MYO15A: variants seen among roughly 807,000 people sequenced by gnomAD.
MYO15A encodes myosin XVA.
A neutral mutation model predicts 394.6 loss-of-function variants in MYO15A; 308 were observed. The ratio of observed to expected loss-of-function variants is 0.78; its 90% confidence interval spans 0.71 to 0.86. The LOEUF (loss-of-function observed/expected upper bound fraction) is 0.86, where lower values mean the gene tolerates loss of function less well. Among genes scored for constraint, MYO15A ranks in the 40% least tolerant of loss-of-function variants. The probability of loss-of-function intolerance (pLI) is 0.00; values close to 1 mark genes in which losing one functional copy is unlikely to be tolerated. For synonymous variants in MYO15A, 1,957 were observed against 2,003.8 expected (o/e 0.98, Z 0.62); for missense variants, 4,606 against 4,799.1 (o/e 0.96, Z 1.19).
chr17:18,177,428 C>T (rs1013417566), intron 65 of MYO15A: 2 of 152,258 alleles, frequency 1.3e-5, no homozygotes, highest in Non-Finnish European at 2.9e-5. Flanking sequence ...CTGATTCTCA[C>T]TGAGCCTCAG....
At chr17:18,138,749 C>A (rs913321358) in intron 17 of MYO15A, 62 bp from the exon 18 acceptor site, 2 of 1,599,964 alleles carry the variant, frequency 1.3e-6, no homozygotes, top group Non-Finnish European at 1.7e-6. Context: ...GAGGTTGCCA[C>A]CAGGCCAGGA....
Position 18,120,511 on chromosome 17 carries a change from T to A in MYO15A, c.1711T>A (p.Ser571Thr). The A allele has an allele frequency of 6.3e-7, 1 of 1,580,664 alleles. No homozygotes were observed. Among genetic ancestry groups the A allele is most frequent in the African/African-American group, 1.3e-5 (1 of 74,324 alleles). ...CCGCCCCGTGCCTCGCCCTGCCACC[T>A]CGCTTGCGCGGTTCCTCAAGAAGAC... ...FGRPVPRPATSLARFLKKTLS... is the reference protein window; with the variant it reads ...FGRPVPRPATTLARFLKKTLS... The change falls in exon 2 of 66, where the codon TCG becomes ACG. Residue 571 changes from serine to threonine, a missense_variant. Transcript: ENST00000647165.
rs1402346904 is a variant in MYO15A at position 18,121,273 on chromosome 17, G to C, written c.2473G>C (p.Ala825Pro). ...GCCCCGCTCGCTGCAGGAGTCCCCA[G>C]CCCCACGCCGAGCCGCTGGGCGCCT... ...RRPRSLQESPAPRRAAGRLGP... is the reference protein window; with the variant it reads ...RRPRSLQESPPPRRAAGRLGP... The change falls in exon 2 of 66, where the codon GCC (alanine) becomes CCC (proline). Residue 825 changes from alanine (A) to proline (P), a missense_variant. Ala to Pro is a conservative substitution (Grantham distance 27). Transcript: ENST00000647165. The surrounding 1 kb of genome is among the most constrained non-coding windows in gnomAD (Gnocchi z 5.3). 1.4e-6 allele frequency: 2 copies of C among 1,385,358 alleles called. No individual in the cohort carries two copies. The highest frequency in any genetic ancestry group is 1.9e-6 in the Non-Finnish European group (2 of 1,074,490). The allele number at this position is 1,385,358 out of a possible 1,614,324, so 85.8% of individuals were successfully genotyped here. A position where few individuals can be genotyped will look rare whatever the true frequency, so the allele number is the denominator to read the frequency against.
chr17:18,143,461 C>T (rs1175729333), intron 25 of MYO15A, 105 bp from the exon 26 acceptor site: 1 of 1,303,442 alleles, frequency 7.7e-7, no homozygotes, highest in African/African-American at 1.5e-5. Context: ...CAAGCTGCCC[C>T]CCTTGCTTGA....
chr17:18,115,578 A>G (rs1433110774), intron 1 of MYO15A, among the ~76,000 whole-genome samples: 1 of 152,066 alleles, frequency 6.6e-6, no homozygotes, highest in Non-Finnish European at 1.5e-5. Context: ...AGATCGCACC[A>G]TCGCACTCCA....
intron 62 of MYO15A, among the ~76,000 whole-genome samples, chr17:18,171,212 TCTG>T (rs984888454): frequency 7.9e-5 from 12 of 152,200 alleles, no homozygotes; most frequent in African/African-American, 2.9e-4. Context: ...TGCTCAAGGT[TCTG>T]CACAGCCCTG....
intron 19 of MYO15A, among the ~76,000 whole-genome samples, 195 bp downstream of exon 19, chr17:18,139,806 G>A (rs912706744): frequency 2.6e-5 from 4 of 152,196 alleles, no homozygotes; most frequent in African/African-American, 4.8e-5. Context: ...TAAACCTAGC[G>A]CCTCATCCTG....
intron 5 of MYO15A, among the ~76,000 whole-genome samples, 155 bp downstream of exon 5, chr17:18,126,611 C>T (rs1309100155): frequency 1.3e-5 from 2 of 151,868 alleles, no homozygotes; most frequent in Admixed American, 6.6e-5. Context: ...CAGGCAGGGC[C>T]GAAGCTACAG....
chr17:18,140,495 C>T (rs1389906339), intron 19 of MYO15A, 22 bp from the exon 20 acceptor site: 2 of 1,613,408 alleles, frequency 1.2e-6, no homozygotes, highest in Admixed American at 1.7e-5. Context: ...TGTCTGTTTT[C>T]CCTGCCCCGA....
chr17:18,135,833 G>T lies in MYO15A; in HGVS notation c.4596+9G>T, dbSNP rs1169089576. On this transcript the variant is annotated intron_variant, in intron 13 of 65. Coordinates refer to ENST00000647165, the MANE Select transcript of MYO15A (RefSeq NM_016239.4). ...TCACCTTCAAAGTGACCGTGAGTCT[G>T]TGGGCATCTGGCCTTCGAACAAAGC... 6.2e-7 allele frequency: 1 copy of T among 1,611,688 alleles called. No homozygotes were observed. Among genetic ancestry groups the T allele is most frequent in the Non-Finnish European group, 8.5e-7 (1 of 1,178,516 alleles).
chr17:18,151,190 A>G lies in MYO15A; in HGVS notation c.7554A>G (p.Pro2518=), dbSNP rs2142369567. The G allele has an allele frequency of 6.2e-7, 1 of 1,614,022 alleles. No homozygotes were observed. The highest frequency in any genetic ancestry group is 1.7e-5 in the Admixed American group (1 of 60,022). The change falls in exon 39 of 66, where the codon CCA becomes CCG. Residue 2518 remains proline (P), a synonymous_variant. Transcript: ENST00000647165. ...AACCCGTGCTCCTGCGTGCCACTCC[A>G]AAGCCCTTGGCCCCAGCCCCTCTGG... ...PAKPVLLRAT[P]KPLAPAPLAK... is the part of the protein sequence containing the mutation.
rs781257890 is a variant in MYO15A, at chr17:18,167,663, A to G, written c.10022A>G (p.Gln3341Arg). Residue 3341 changes from glutamine to arginine, a missense_variant, in exon 62 of 66, where the codon CAG becomes CGG. This residue lies in a region of MYO15A where 2,776 missense variants were observed against 3,109.3 expected (regional missense o/e 0.89). Transcript: ENST00000647165. ...ASRPSEQLLQ[Q>R]VSKLASLQHR... is the part of the protein sequence containing the mutation. ...CGGCCCAGCGAGCAGCTGCTGCAGC[A>G]GGTGTCCAAGCTGGCTTCACTGCAG... The G allele has an allele frequency of 1.2e-6, 2 of 1,604,388 alleles. No individual in the cohort carries two copies. Among genetic ancestry groups the G allele is most frequent in the Non-Finnish European group, 8.5e-7 (1 of 1,179,972 alleles).
At position 18,153,650 on chromosome 17, in the gene MYO15A, A is replaced by G. The variant is rs1218716814; in HGVS notation, c.7967-125A>G. 3.0e-6 allele frequency: 3 copies of G among 1,006,152 alleles called. No individual in the cohort carries two copies. The highest frequency in any genetic ancestry group is 3.9e-6 in the Non-Finnish European group (3 of 777,738). 62.3% of individuals were successfully genotyped at this position (1,006,152 alleles called of 1,614,324 possible). ...GAGGCGGAGCTTGCAGTGGGCCGAG[A>G]TTGCGCCACTGCACTCTAGCCTGGG... is the stretch of plus-strand genomic sequence containing the variant. On this transcript the variant is annotated intron_variant, in intron 42 of 65. Coordinates refer to ENST00000647165, the MANE Select transcript of MYO15A (RefSeq NM_016239.4). This position sits in a 1 kb window ranked among gnomAD's most constrained non-coding sequence, Gnocchi z 4.1.
chr17:18,111,962 T>TC (rs1215153967), intron 1 of MYO15A, among the ~76,000 whole-genome samples: 1 of 152,186 alleles, frequency 6.6e-6, no homozygotes, highest in Non-Finnish European at 1.5e-5. Context: ...GGGCTCCACG[T>TC]CCCCTGGGCT....
In MYO15A at chr17:18,143,773, C is replaced by T. The variant is rs1311275876; in HGVS notation, c.6023C>T (p.Ala2008Val). The T allele has an allele frequency of 6.3e-7, 1 of 1,592,558 alleles. No individual in the cohort carries two copies. The highest frequency in any genetic ancestry group is 1.1e-5 in the South Asian group (1 of 87,680). ...VGHLEVPAELAGLLQAVAGLG... is the reference protein window; with the variant it reads ...VGHLEVPAELVGLLQAVAGLG... ...CACCTGGAGGTACCGGCTGAGCTGG[C>T]TGGGCTCTTGCAAGCAGTGGCAGGT... Residue 2008 changes from alanine to valine, a missense_variant, in exon 27 of 66, where the codon GCT (alanine) becomes GTT (valine). This residue lies in a region of MYO15A where 2,776 missense variants were observed against 3,109.3 expected (regional missense o/e 0.89). Coordinates refer to ENST00000647165, the MANE Select transcript of MYO15A (RefSeq NM_016239.4).
In MYO15A at chr17:18,155,127, A is replaced by G. The variant is rs2046654071; in HGVS notation, c.8242A>G (p.Thr2748Ala). 1.2e-6 allele frequency: 2 copies of G among 1,613,774 alleles called. No homozygotes were observed. The highest frequency in any genetic ancestry group is 8.5e-7 in the Non-Finnish European group (1 of 1,179,944). The change falls in exon 46 of 66, where the codon ACA becomes GCA. Residue 2748 changes from threonine to alanine, a missense_variant. By Grantham distance (58) the Thr-to-Ala change is moderately conservative. Coordinates refer to ENST00000647165, the MANE Select transcript of MYO15A (RefSeq NM_016239.4). ...TCCCATAGCCCAGAACCAGCTGGACACACAGAAGCCTCTGGTAACGGAAAG... is the reference window on the plus strand; with the variant it reads ...TCCCATAGCCCAGAACCAGCTGGACGCACAGAAGCCTCTGGTAACGGAAAG... ...KALFAQNQLDTQKPLVTESVK... is the reference protein window; with the variant it reads ...KALFAQNQLDAQKPLVTESVK...
chr17:18,160,063 G>A (rs539225675), intron 56 of MYO15A, 46 bp downstream of exon 56: 2 of 1,573,262 alleles, frequency 1.3e-6, no homozygotes, highest in South Asian at 2.2e-5. Flanking sequence ...CTGTGTCCAT[G>A]CTCCAGGAGG....
chr17:18,113,303 C>T (rs1597741067), intron 1 of MYO15A, among the ~76,000 whole-genome samples: 1 of 152,136 alleles, frequency 6.6e-6, no homozygotes, highest in South Asian at 2.1e-4. Flanking sequence ...AGGTGCTTGC[C>T]ACCTGTAATT....
At chr17:18,134,099 C>T (rs1041433873) in intron 12 of MYO15A, among the ~76,000 whole-genome samples, 1 of 152,090 alleles carries the variant, frequency 6.6e-6, no homozygotes, top group African/African-American at 2.4e-5. Flanking sequence ...AAGCGATTCC[C>T]CTGCCTCAAC....
Sources: allele counts gnomAD v4.1 joint callset (sites outside exome capture counted in the v4.1 genomes callset), GRCh38; gene constraint gnomAD v4.1.1; regional missense constraint gnomAD v4.1.1; non-coding constraint Gnocchi (gnomAD v3.1); transcripts MANE v1.5; gene names NCBI Gene and HGNC (gene_info 2026-07-23, HGNC 2026-07-21).